The following DPP10 variants were observed in gnomAD, a reference collection of about 807,000 sequenced individuals.
DPP10 encodes the protein dipeptidyl peptidase like 10.
DPP10 carries 33 observed loss-of-function variants against 120.9 expected under a neutral mutation model. The ratio of observed to expected loss-of-function variants is 0.27; its 90% CI spans 0.21 to 0.37. The LOEUF (loss-of-function observed/expected upper bound fraction) is 0.37, where lower values mean the gene tolerates loss of function less well. Ranked by LOEUF, DPP10 falls within the 10% of genes least tolerant of loss-of-function variation. DPP10 has a pLI of 1.00. For missense variants in DPP10, 816 were observed against 942.8 expected, an observed-to-expected ratio of 0.87 and a Z score of 1.76; for synonymous variants, 337 against 326.1, an observed-to-expected ratio of 1.03 and a Z score of -0.36.
intron 1 of DPP10, among the ~76,000 whole-genome samples, chr2:114,926,628 G>A (rs1011123943): frequency 6.6e-6 from 1 of 152,148 alleles, no homozygotes; most frequent in Non-Finnish European, 1.5e-5. Flanking sequence ...AGAAGTGACA[G>A]GTACTTTCCC....
intron 5 of DPP10, among the ~76,000 whole-genome samples, chr2:115,635,669 G>A (rs1316979318): frequency 6.6e-6 from 1 of 152,172 alleles, no homozygotes; most frequent in African/African-American, 2.4e-5. Flanking sequence ...TATTTGGAGA[G>A]GATCTTAGCT....
At chr2:115,135,811 G>A (rs2104814385) in intron 1 of DPP10, among the ~76,000 whole-genome samples, 1 of 152,256 alleles carries the variant, frequency 6.6e-6, no homozygotes, top group East Asian at 1.9e-4. Flanking sequence ...TTTTGCAGAA[G>A]GTTTCTTGGC....
intron 1 of DPP10, among the ~76,000 whole-genome samples, chr2:114,762,598 A>G (rs1041040276): frequency 7.9e-5 from 12 of 152,242 alleles, no homozygotes; most frequent in Admixed American, 1.3e-4. Context: ...GACTGACTCA[A>G]TAAGTAGCTC....
chr2:115,787,751 A>AC (rs1386997885), intron 17 of DPP10, among the ~76,000 whole-genome samples: 6 of 152,170 alleles, frequency 3.9e-5, no homozygotes, highest in Non-Finnish European at 8.8e-5. Flanking sequence ...TGTCAATAAA[A>AC]CCACACTAGC....
At chr2:115,017,934 A>T (rs897435768) in intron 1 of DPP10, among the ~76,000 whole-genome samples, 21 of 152,160 alleles carry the variant, frequency 1.4e-4, no homozygotes, top group African/African-American at 4.6e-4. Context: ...GCACACCAAC[A>T]TGGCACATGT....
chr2:115,056,803 G>T (rs768067551), intron 1 of DPP10, among the ~76,000 whole-genome samples: 7 of 152,174 alleles, frequency 4.6e-5, no homozygotes, highest in Non-Finnish European at 1.0e-4. Context: ...AGAAACAAAA[G>T]AAACAAATAT....
At chr2:115,532,872 A>G (rs1322563960) in intron 5 of DPP10, among the ~76,000 whole-genome samples, 1 of 151,966 alleles carries the variant, frequency 6.6e-6, no homozygotes, top group East Asian at 1.9e-4. Context: ...AATTTAACCA[A>G]TAAATCTATG....
intron 1 of DPP10, among the ~76,000 whole-genome samples, chr2:114,825,620 A>G (rs1315580436): frequency 6.6e-6 from 1 of 152,250 alleles, no homozygotes; most frequent in Non-Finnish European, 1.5e-5. Context: ...TGTGCATAAA[A>G]TAATGATTCA....
intron 1 of DPP10, among the ~76,000 whole-genome samples, chr2:115,007,486 A>G (rs1701940677): frequency 6.6e-6 from 1 of 151,902 alleles, no homozygotes; most frequent in African/African-American, 2.4e-5. Flanking sequence ...AATGGGCAAA[A>G]ACTGGAAGCA....
At chr2:115,025,462 C>T (rs1703391715) in intron 1 of DPP10, among the ~76,000 whole-genome samples, 2 of 152,014 alleles carry the variant, frequency 1.3e-5, no homozygotes, top group South Asian at 2.1e-4. Context: ...CTTCAAAATA[C>T]GTGACTACAG....
chr2:115,711,259 A>G (rs2092305002), intron 7 of DPP10, among the ~76,000 whole-genome samples: 1 of 152,154 alleles, frequency 6.6e-6, no homozygotes, highest in Admixed American at 6.6e-5. Context: ...AGAAATAGAG[A>G]CCTTACAAAA....
chr2:115,162,253 G>T (rs1350215198), intron 1 of DPP10: 1 of 1,559,986 alleles, frequency 6.4e-7, no homozygotes, highest in Non-Finnish European at 8.7e-7. Flanking sequence ...GTGGAGAGCC[G>T]CGGGGAAGGG....
At chr2:114,737,943 G>A (rs1361955859) in intron 1 of DPP10, among the ~76,000 whole-genome samples, 1 of 152,190 alleles carries the variant, frequency 6.6e-6, no homozygotes, top group Non-Finnish European at 1.5e-5. Context: ...AAAGAAAAGA[G>A]GTTTAATGCG....
At chr2:114,479,109 G>A (rs911234642) in intron 1 of DPP10, among the ~76,000 whole-genome samples, 1 of 150,556 alleles carries the variant, frequency 6.6e-6, no homozygotes, top group African/African-American at 2.4e-5. Flanking sequence ...ACAAAATGCT[G>A]ATGAAAGAAA....
chr2:115,334,746 G>A (rs2063017060), intron 2 of DPP10, among the ~76,000 whole-genome samples: 2 of 151,842 alleles, frequency 1.3e-5, no homozygotes, highest in South Asian at 2.1e-4. Flanking sequence ...TAATGTGAAG[G>A]TGCTTTATAG....
intron 1 of DPP10, among the ~76,000 whole-genome samples, chr2:115,061,422 G>A (rs187673740): frequency 1.3e-5 from 2 of 152,268 alleles, no homozygotes; most frequent in East Asian, 3.9e-4. Flanking sequence ...AATTTATGAA[G>A]GAGGAGGCAT....
At position 115,547,590 on chromosome 2, in the gene DPP10, T is replaced by C. The variant is rs911626480; in HGVS notation, c.441+21618T>C. ...GTGTTCAACACCTGCCTGGGCAACATGGTGAAACCCCGCCTCTACAAAAGA... is the reference window on the plus strand; with the variant it reads ...GTGTTCAACACCTGCCTGGGCAACACGGTGAAACCCCGCCTCTACAAAAGA... On this transcript the variant is annotated intron_variant, in intron 5 of 25. Transcript: ENST00000410059. Among the ~76,000 whole-genome samples the C allele has an allele frequency of 2.9e-4, 44 of 151,952 alleles. 1 individual carries two copies. Among genetic ancestry groups the C allele is most frequent in the African/African-American group, 1.0e-3 (43 of 41,434 alleles).
intron 1 of DPP10, among the ~76,000 whole-genome samples, chr2:115,152,434 A>G (rs1393763491): frequency 6.6e-6 from 1 of 152,146 alleles, no homozygotes; most frequent in Non-Finnish European, 1.5e-5. Flanking sequence ...ATGGCATTTG[A>G]CCTTGATAGT....
At chr2:115,209,547 C>T (rs1004464299) in intron 1 of DPP10, among the ~76,000 whole-genome samples, 5 of 152,142 alleles carry the variant, frequency 3.3e-5, no homozygotes, top group African/African-American at 1.2e-4. Flanking sequence ...TATTCTTTTG[C>T]ATTTCTATTA....
Sources: allele counts gnomAD v4.1 joint callset (sites outside exome capture counted in the v4.1 genomes callset), GRCh38; gene constraint gnomAD v4.1.1; transcripts MANE v1.5; gene names NCBI Gene and HGNC (gene_info 2026-07-23, HGNC 2026-07-21).